The following MED13L variants were observed in gnomAD, a reference collection of about 807,000 sequenced individuals.
MED13L encodes the protein mediator complex subunit 13L, also known as mediator of RNA polymerase II transcription subunit 13-like.
A neutral mutation model predicts 220.9 loss-of-function variants in MED13L; 7 were observed. The observed-to-expected ratio is 0.03, with a 90% CI of 0.02 to 0.06. MED13L has a LOEUF of 0.06. MED13L is among the 10% of genes least tolerant of loss of function. The pLI, the probability that MED13L is intolerant of heterozygous loss-of-function variation, is 1.00. For synonymous variants in MED13L, 1,011 were observed against 1,015.2 expected, an observed-to-expected ratio of 1.00 and a Z score of 0.08; for missense variants, 1,965 against 2,760.5, an observed-to-expected ratio of 0.71 and a Z score of 6.46.
At chr12:116,234,213 TGC>T (rs1869849808) in intron 2 of MED13L, among the ~76,000 whole-genome samples, 1 of 142,102 alleles carries the variant, frequency 7.0e-6, no homozygotes, top group East Asian at 2.2e-4. Context: ...AACAGGATTC[TGC>T]TATTTATTTA....
intron 2 of MED13L, among the ~76,000 whole-genome samples, chr12:116,157,383 C>G (rs1461025990): frequency 1.3e-5 from 2 of 152,128 alleles, no homozygotes; most frequent in African/African-American, 2.4e-5. Context: ...TCCCCAGCAC[C>G]AGCACAGTGC....
intron 2 of MED13L, among the ~76,000 whole-genome samples, chr12:116,211,075 C>G (rs1036205487): frequency 6.6e-6 from 1 of 152,136 alleles, no homozygotes; most frequent in Non-Finnish European, 1.5e-5. Context: ...TCGTGACACT[C>G]TAATTATGCC....
intron 4 of MED13L, among the ~76,000 whole-genome samples, chr12:116,056,601 T>C (rs541345024): frequency 6.6e-6 from 1 of 152,314 alleles, no homozygotes; most frequent in African/African-American, 2.4e-5. Context: ...AAGACATGAT[T>C]AAGTACTAGA....
chr12:116,158,818 A>G (rs1194535899), intron 2 of MED13L, among the ~76,000 whole-genome samples: 1 of 152,188 alleles, frequency 6.6e-6, no homozygotes, highest in African/African-American at 2.4e-5. Flanking sequence ...ACCTTACAAG[A>G]TAGGTACAAT....
At chr12:115,995,137 C>T (rs912714038) in intron 16 of MED13L, among the ~76,000 whole-genome samples, 8 of 152,086 alleles carry the variant, frequency 5.3e-5, no homozygotes, top group East Asian at 1.9e-4. Context: ...AGTCTTGTTA[C>T]GACATTAAAA....
chr12:116,047,288 A>G (rs1034682179), intron 4 of MED13L, among the ~76,000 whole-genome samples: 1 of 152,174 alleles, frequency 6.6e-6, no homozygotes, highest in Non-Finnish European at 1.5e-5. Flanking sequence ...CAAAAGGTCA[A>G]GGCAACAGTG....
chr12:116,152,599 G>GACT (rs1227416293), intron 2 of MED13L, among the ~76,000 whole-genome samples: 3 of 152,104 alleles, frequency 2.0e-5, no homozygotes, highest in African/African-American at 7.2e-5. Context: ...GGAATCACAG[G>GACT]ACTCAGTCTT....
intron 8 of MED13L, 62 bp from the exon 9 acceptor site, chr12:116,012,963 A>C: frequency 8.2e-7 from 1 of 1,226,030 alleles, no homozygotes; most frequent in Non-Finnish European, 1.2e-6. Flanking sequence ...GGGGAGAAAA[A>C]TGTTCAAGAG....
At chr12:116,038,314 T>TTATA in intron 4 of MED13L, among the ~76,000 whole-genome samples, 1 of 152,170 alleles carries the variant, frequency 6.6e-6, no homozygotes, top group East Asian at 1.9e-4. Context: ...TACTAAGGCA[T>TTATA]TATATATCAC....
intron 1 of MED13L, among the ~76,000 whole-genome samples, chr12:116,271,130 C>T (rs1183967702): frequency 6.7e-6 from 1 of 149,706 alleles, no homozygotes; most frequent in African/African-American, 2.5e-5. Context: ...GGGAAAATGT[C>T]CTAAATTCCA....
At chr12:116,149,818 C>T (rs961627924) in intron 2 of MED13L, among the ~76,000 whole-genome samples, 27 of 152,234 alleles carry the variant, frequency 1.8e-4, no homozygotes, top group Middle Eastern at 3.4e-3. Context: ...AAGTTCCTTT[C>T]ATATGCCCCT....
At chr12:116,122,615 T>C (rs1251861865) in intron 2 of MED13L, among the ~76,000 whole-genome samples, 1 of 152,164 alleles carries the variant, frequency 6.6e-6, no homozygotes, top group Non-Finnish European at 1.5e-5. Context: ...AAACGTTCCA[T>C]TTATTTCAAA....
chr12:116,219,987 G>A (rs1283255121), intron 2 of MED13L, among the ~76,000 whole-genome samples: 1 of 152,028 alleles, frequency 6.6e-6, no homozygotes, highest in Admixed American at 6.6e-5. Context: ...GGTAGAGACA[G>A]GGTTTCACCA....
At chr12:116,038,039 T>C (rs1881290025) in intron 4 of MED13L, among the ~76,000 whole-genome samples, 1 of 152,116 alleles carries the variant, frequency 6.6e-6, no homozygotes, top group South Asian at 2.1e-4. Flanking sequence ...CTAGTCACAG[T>C]CTCTGGACAG....
intron 2 of MED13L, among the ~76,000 whole-genome samples, chr12:116,185,669 TTTTCTTTTCTTTTC>T (rs1880841470): frequency 3.6e-5 from 1 of 27,912 alleles, no homozygotes; most frequent in South Asian, 3.5e-3. Flanking sequence ...TTTTCTTTTC[TTTTCTTTTCTTTTC>T]TTTTCTTTTC....
chr12:116,125,807 T>G (rs951287330), intron 2 of MED13L, among the ~76,000 whole-genome samples: 1 of 152,210 alleles, frequency 6.6e-6, no homozygotes, highest in African/African-American at 2.4e-5. Flanking sequence ...ATTAAAAATT[T>G]TTATTTTAAA....
intron 2 of MED13L, among the ~76,000 whole-genome samples, chr12:116,176,453 G>T (rs1880066507): frequency 6.6e-6 from 1 of 152,070 alleles, no homozygotes; most frequent in Non-Finnish European, 1.5e-5. Context: ...AGAAACAGAA[G>T]AGTAGCAAAG....
At chr12:116,087,986 A>T (rs1871858605) in intron 4 of MED13L, among the ~76,000 whole-genome samples, 1 of 152,144 alleles carries the variant, frequency 6.6e-6, no homozygotes, top group South Asian at 2.1e-4. Context: ...CTCCAACATG[A>T]CACTCCCTTT....
chr12:116,152,918 A>AT (rs1878159318), intron 2 of MED13L, among the ~76,000 whole-genome samples: 1 of 151,952 alleles, frequency 6.6e-6, no homozygotes, highest in Non-Finnish European at 1.5e-5. Flanking sequence ...TATATCTGAC[A>AT]TTTTTCATAA....
Sources: gnomAD v4.1 joint callset for allele counts (sites outside exome capture counted in the v4.1 genomes callset) on GRCh38, gnomAD v4.1.1 for gene constraint, MANE v1.5 for transcripts, NCBI Gene and HGNC (gene_info 2026-07-23, HGNC 2026-07-21) for gene names.